HCN1: variants seen among roughly 807,000 people sequenced by gnomAD.
The protein encoded by HCN1 is potassium/sodium hyperpolarization-activated cyclic nucleotide-gated channel 1.
HCN1 carries 13 observed loss-of-function variants against 78.9 expected under a neutral mutation model. The observed-to-expected ratio is 0.16, with a 90% CI of 0.11 to 0.26. The LOEUF is 0.26. Among genes scored for constraint, HCN1 ranks in the 10% least tolerant of loss-of-function variants. HCN1 has a pLI of 1.00. For synonymous variants in HCN1, 552 were observed against 455.5 expected, an observed-to-expected ratio of 1.21 and a Z score of -2.70; for missense variants, 810 against 1,154.3, an observed-to-expected ratio of 0.70 and a Z score of 4.32.
chr5:45,268,708 A>T (rs924314698), intron 6 of HCN1, among the ~76,000 whole-genome samples: 7 of 152,216 alleles, frequency 4.6e-5, no homozygotes, highest in African/African-American at 1.7e-4. Context: ...GTTCTTGTCA[A>T]GATTGAAAAG....
At chr5:45,419,156 TA>T (rs1200838066) in intron 3 of HCN1, among the ~76,000 whole-genome samples, 1 of 152,128 alleles carries the variant, frequency 6.6e-6, no homozygotes, top group Non-Finnish European at 1.5e-5. Flanking sequence ...TGAAAAAACC[TA>T]AAGGACTTTG....
chr5:45,656,008 T>C (rs1231498388), intron 1 of HCN1, among the ~76,000 whole-genome samples: 3 of 152,114 alleles, frequency 2.0e-5, no homozygotes, highest in East Asian at 1.9e-4. Context: ...GAGAAATGCA[T>C]ACACAAACTA....
At chr5:45,348,215 A>C (rs953503083) in intron 5 of HCN1, among the ~76,000 whole-genome samples, 9 of 152,252 alleles carry the variant, frequency 5.9e-5, no homozygotes, top group South Asian at 2.1e-4. Context: ...CAGTATTCAA[A>C]GTTCTTAAAG....
intron 3 of HCN1, among the ~76,000 whole-genome samples, chr5:45,448,698 A>C (rs1425192949): frequency 6.6e-6 from 1 of 152,184 alleles, no homozygotes; most frequent in Non-Finnish European, 1.5e-5. Context: ...AGCTACCTGA[A>C]ATTATTCTAT....
At chr5:45,362,250 T>C (rs910860549) in intron 4 of HCN1, among the ~76,000 whole-genome samples, 35 of 151,524 alleles carry the variant, frequency 2.3e-4, no homozygotes, top group Admixed American at 2.6e-4. Context: ...TGATATAACA[T>C]GCCTACCATG....
chr5:45,659,448 G>C (rs2112055269), intron 1 of HCN1, among the ~76,000 whole-genome samples: 1 of 109,134 alleles, frequency 9.2e-6, no homozygotes, highest in Middle Eastern at 4.3e-3. Context: ...AACAAAGCTG[G>C]ATGGAGAATG....
chr5:45,377,180 G>A (rs1212847965), intron 4 of HCN1, among the ~76,000 whole-genome samples: 1 of 151,958 alleles, frequency 6.6e-6, no homozygotes, highest in Non-Finnish European at 1.5e-5. Flanking sequence ...GCCTTGTGAA[G>A]TTGTAGCCTT....
intron 2 of HCN1, among the ~76,000 whole-genome samples, chr5:45,482,080 T>G (rs1741665833): frequency 6.6e-6 from 1 of 152,226 alleles, no homozygotes; most frequent in African/African-American, 2.4e-5. Context: ...CTGTTTCCTT[T>G]TGGTCTTGTT....
intron 3 of HCN1, among the ~76,000 whole-genome samples, chr5:45,419,480 A>G (rs1227587103): frequency 3.3e-5 from 5 of 152,206 alleles, no homozygotes; most frequent in Admixed American, 6.5e-5. Flanking sequence ...GAGTGTTTAT[A>G]TTATACTAAT....
At chr5:45,611,269 CTTTTTTTTTT>C (rs1054830050) in intron 2 of HCN1, among the ~76,000 whole-genome samples, 1 of 113,732 alleles carries the variant, frequency 8.8e-6, no homozygotes, top group Non-Finnish European at 1.9e-5. Context: ...TTATCTTTTT[CTTTTTTTTTT>C]TTTTTTTTTT....
intron 4 of HCN1, among the ~76,000 whole-genome samples, chr5:45,374,280 A>G (rs1747544967): frequency 9.6e-6 from 1 of 103,896 alleles, no homozygotes; most frequent in Non-Finnish European, 1.7e-5. Context: ...TATTATATAC[A>G]TTATATACAT....
intron 5 of HCN1, among the ~76,000 whole-genome samples, chr5:45,342,490 G>A (rs536431843): frequency 2.0e-5 from 3 of 151,270 alleles, no homozygotes; most frequent in Non-Finnish European, 4.4e-5. Context: ...CACCTGCCTC[G>A]GCCACCCAAA....
At chr5:45,684,205 T>C (rs1739759206) in intron 1 of HCN1, among the ~76,000 whole-genome samples, 1 of 152,172 alleles carries the variant, frequency 6.6e-6, no homozygotes, top group Admixed American at 6.5e-5. Flanking sequence ...TTAATGTGAT[T>C]TGTGAAGTAT....
chr5:45,622,410 T>C (rs1745086062), intron 2 of HCN1, among the ~76,000 whole-genome samples: 1 of 152,170 alleles, frequency 6.6e-6, no homozygotes, highest in African/African-American at 2.4e-5. Context: ...ACTAATCATC[T>C]TTTATAATTT....
At position 45,303,587 on chromosome 5, in the gene HCN1, T is replaced by A. The variant is rs1260438146; in HGVS notation, c.1618+12A>T. 6.2e-7 allele frequency: 1 copy of A among 1,612,762 alleles called. No individual in the cohort carries two copies. Among genetic ancestry groups the A allele is most frequent in the Admixed American group, 1.7e-5 (1 of 59,892 alleles). ...GTTTAGATTTCATCTTAGTTGCATC[T>A]TTTTTACTAACCTCCAAAGTAAGAG... On this transcript the variant is annotated intron_variant, in intron 6 of 7. Transcript: ENST00000303230.
chr5:45,318,479 G>A (rs1746049346), intron 5 of HCN1, among the ~76,000 whole-genome samples: 1 of 151,892 alleles, frequency 6.6e-6, no homozygotes, highest in Non-Finnish European at 1.5e-5. Flanking sequence ...GAGTTAATGG[G>A]TGCAGCACAC....
In HCN1 at chr5:45,550,542, T is replaced by C. The variant is rs4254918; in HGVS notation, c.850-88535A>G. Among the ~76,000 whole-genome samples, 268 of 152,246 alleles carry C rather than the reference T, an allele frequency of 1.8e-3. 1 individual carries two copies. Among genetic ancestry groups the C allele is most frequent in the African/African-American group, 6.2e-3 (257 of 41,546 alleles). On this transcript the variant is annotated intron_variant, in intron 2 of 7. Transcript: ENST00000303230. ...GGATAGCATTAGGAGATATACCTAATGTAAATGACGAGTTAATGGGTGCAG... is the reference window on the plus strand; with the variant it reads ...GGATAGCATTAGGAGATATACCTAACGTAAATGACGAGTTAATGGGTGCAG...
At chr5:45,613,645 C>A (rs1221923954) in intron 2 of HCN1, among the ~76,000 whole-genome samples, 5 of 152,064 alleles carry the variant, frequency 3.3e-5, no homozygotes, top group African/African-American at 4.8e-5. Context: ...AATCATGCTG[C>A]TATAAAGACA....
At chr5:45,375,071 A>G (rs1747575609) in intron 4 of HCN1, among the ~76,000 whole-genome samples, 2 of 125,056 alleles carry the variant, frequency 1.6e-5, no homozygotes, top group Non-Finnish European at 3.2e-5. Flanking sequence ...TATATATAAT[A>G]TATTATATAT....
Sources: gnomAD v4.1 joint callset for allele counts (sites outside exome capture counted in the v4.1 genomes callset) on GRCh38, gnomAD v4.1.1 for gene constraint, MANE v1.5 for transcripts, NCBI Gene and HGNC (gene_info 2026-07-23, HGNC 2026-07-21) for gene names.